The following CLEC4F variants were observed in gnomAD, a reference collection of about 807,000 sequenced individuals.
CLEC4F encodes the protein C-type (calcium dependent, carbohydrate-recognition domain) lectin, superfamily member 13.
In CLEC4F, 45 loss-of-function variants were observed where a neutral mutation model predicts 53.4. That is an observed-to-expected ratio of 0.84 (90% confidence interval 0.66 to 1.08). CLEC4F has a LOEUF of 1.08. Among genes scored for constraint, CLEC4F ranks in the 50% least tolerant of loss-of-function variants. CLEC4F has a pLI of 0.00. For synonymous variants in CLEC4F, 245 were observed against 257.5 expected, an observed-to-expected ratio of 0.95 and a Z score of 0.46; for missense variants, 753 against 698.2, an observed-to-expected ratio of 1.08 and a Z score of -0.88.
chr2:70,821,411 C>T (rs1277826298), upstream of CLEC4F, among the ~76,000 whole-genome samples: 1 of 152,118 alleles, frequency 6.6e-6, no homozygotes, highest in South Asian at 2.1e-4. Context: ...CTTTCAGCCA[C>T]CCACTCCCAT....
At chr2:70,815,282 C>T (rs1676833195) in intron 4 of CLEC4F, among the ~76,000 whole-genome samples, 1 of 152,220 alleles carries the variant, frequency 6.6e-6, no homozygotes, top group Non-Finnish European at 1.5e-5. Flanking sequence ...CAAGAGCCAT[C>T]TTCTCACAAA....
chr2:70,815,424 T>A (rs1328752319), intron 4 of CLEC4F, among the ~76,000 whole-genome samples: 2 of 152,192 alleles, frequency 1.3e-5, no homozygotes, highest in Non-Finnish European at 2.9e-5. Flanking sequence ...CCTGTCTGTA[T>A]GTCTTTCATG....
At chr2:70,809,703 G>A (rs1676440171) in intron 6 of CLEC4F, 36 bp downstream of exon 6, 1 of 1,510,188 alleles carries the variant, frequency 6.6e-7, no homozygotes. Context: ...ACCAAAGACA[G>A]TGCCTGGGAC....
At position 70,819,761 on chromosome 2, in the gene CLEC4F, A is replaced by G. The variant is rs782640505; in HGVS notation, c.178+14T>C. The stretch of plus-strand genomic sequence containing the variant: ...AGAGAAAGTTAGTGAGATTTGGGTC[A>G]CCTGGGGGCTTACCCACTACAAAGA... On this transcript the variant is annotated intron_variant, in intron 2 of 6. Transcript: ENST00000272367. 1 of 1,546,990 alleles carries G rather than the reference A, an allele frequency of 6.5e-7. No individual in the cohort carries two copies. Among genetic ancestry groups the G allele is most frequent in the African/African-American group, 1.4e-5 (1 of 72,838 alleles).
rs144178729 is a variant in CLEC4F at position 70,816,124 on chromosome 2, G to A, written c.1257C>T (p.Ala419=). 273 of 1,613,998 alleles carry A rather than the reference G, an allele frequency of 1.7e-4. 1 individual carries two copies. Among genetic ancestry groups the A allele is most frequent in the Middle Eastern group, 8.2e-4 (5 of 6,084 alleles). ...GATCCCCTCTTAACCTCTGGATCTC[G>A]GCACTGGCCTTCTGCAGATTGCTGT... is the stretch of plus-strand genomic sequence containing the variant. The part of the protein sequence containing the change: ...MLDSNLQKAS[A]EIQRLRGDLE... The change falls in exon 4 of 7, where the codon GCC becomes GCT. Residue 419 remains alanine (A), a synonymous_variant. Coordinates refer to ENST00000272367, the MANE Select transcript of CLEC4F (RefSeq NM_173535.3).
In CLEC4F at chr2:70,820,494, T is replaced by A; in HGVS notation, c.30A>T (p.Thr10=). The A allele has an allele frequency of 6.3e-7, 1 of 1,591,232 alleles. No homozygotes were observed. Among genetic ancestry groups the A allele is most frequent in the Non-Finnish European group, 8.6e-7 (1 of 1,166,946 alleles). Residue 10 remains threonine, a synonymous_variant, in exon 1 of 7, where the codon ACA becomes ACT. Coordinates refer to ENST00000272367, the MANE Select transcript of CLEC4F (RefSeq NM_173535.3). MDGEAVRFC[T]DNQCVSLHPQ... The stretch of plus-strand genomic sequence containing the variant: ...GGTGCAGGGAGACACACTGGTTATC[T>A]GTGCAGAAGCGGACTGCCTCACCGT...
At chr2:70,822,338 G>A (rs1203244109), upstream of CLEC4F, among the ~76,000 whole-genome samples, 1 of 152,176 alleles carries the variant, frequency 6.6e-6, no homozygotes, top group African/African-American at 2.4e-5. Flanking sequence ...TGCCTCCTGA[G>A]GTGACCAGGT....
At chr2:70,823,050 G>A (rs1677267268), upstream of CLEC4F, among the ~76,000 whole-genome samples, 1 of 152,222 alleles carries the variant, frequency 6.6e-6, no homozygotes, top group South Asian at 2.1e-4. Context: ...GTCGCCCCGT[G>A]GGTAGGGGAT....
chr2:70,815,902 T>C lies in CLEC4F; in HGVS notation c.1387+92A>G, dbSNP rs192221484. ...CCCTGGATTTGGTCAAGGAGATGCA[T>C]GTTGCAGTAAAAAAGAGGCTGATGA... On this transcript the variant is annotated intron_variant, in intron 4 of 6. Coordinates refer to ENST00000272367, the MANE Select transcript of CLEC4F (RefSeq NM_173535.3). 112 of 1,330,154 alleles carry C rather than the reference T, an allele frequency of 8.4e-5. 1 individual carries two copies. The Admixed American group carries it at 2.1e-3, about 25-fold the overall frequency. The allele number at this position is 1,330,154 out of a possible 1,614,324, so 82.4% of individuals were successfully genotyped here.
At chr2:70,811,063 C>A in intron 5 of CLEC4F, 1 of 664,908 alleles carries the variant, frequency 1.5e-6, no homozygotes. Flanking sequence ...ATATTTATTG[C>A]CATTCAGAAG....
chr2:70,813,615 CTTTCTTTCTTTCTTTCTTTCTT>C (rs1553394992), intron 4 of CLEC4F, among the ~76,000 whole-genome samples: 3 of 106,012 alleles, frequency 2.8e-5, no homozygotes, highest in African/African-American at 1.4e-4. Context: ...TTCTTTCTTT[CTTTCTTTCTTTCTTTCTTTCTT>C]TCTTTCGCTC....
intron 5 of CLEC4F, among the ~76,000 whole-genome samples, 158 bp downstream of exon 5, chr2:70,812,289 G>A (rs925393634): frequency 1.3e-5 from 2 of 152,162 alleles, no homozygotes; most frequent in Admixed American, 1.3e-4. Flanking sequence ...TACCTCCAGT[G>A]CATATGCTCA....
At chr2:70,818,572 G>A (rs868981637) in intron 3 of CLEC4F, among the ~76,000 whole-genome samples, 37 of 151,968 alleles carry the variant, frequency 2.4e-4, no homozygotes, top group African/African-American at 8.7e-4. Context: ...TTAGCCAGGC[G>A]TGGTGGCGGG....
upstream of CLEC4F, among the ~76,000 whole-genome samples, chr2:70,822,463 G>A (rs1440860298): frequency 6.6e-6 from 1 of 152,100 alleles, no homozygotes; most frequent in Non-Finnish European, 1.5e-5. Flanking sequence ...TCCTGCTGCT[G>A]GGTGGGCCTA....
chr2:70,812,136 T>C (rs116382314), intron 5 of CLEC4F, among the ~76,000 whole-genome samples: 2,897 of 152,094 alleles, frequency 0.019, 40 homozygotes, highest in South Asian at 0.032. Context: ...GAAAAACAAA[T>C]GCAAGAGAAG....
At position 70,816,327 on chromosome 2, in the gene CLEC4F, G is replaced by C; in HGVS notation, c.1054C>G (p.Leu352Val). Residue 352 changes from leucine to valine, a missense_variant, in exon 4 of 7, where the codon CTG (leucine) becomes GTG (valine). Physicochemically the swap from Leu to Val is conservative, Grantham distance 32. Transcript: ENST00000272367. ...TGAATCTGAGTATCTGTCTGGTCCAGACGGCCATTTGCTTTTTGGGTCTGG... is the reference window on the plus strand; with the variant it reads ...TGAATCTGAGTATCTGTCTGGTCCACACGGCCATTTGCTTTTTGGGTCTGG... ...TAQTQKANGR[L>V]DQTDTQIQVF... 6.2e-7 allele frequency: 1 copy of C among 1,614,216 alleles called. No homozygotes were observed. The highest frequency in any genetic ancestry group is 8.5e-7 in the Non-Finnish European group (1 of 1,180,042).
intron 4 of CLEC4F, among the ~76,000 whole-genome samples, chr2:70,813,242 T>C (rs551203498): frequency 5.4e-4 from 83 of 152,366 alleles, no homozygotes; most frequent in African/African-American, 1.8e-3. Context: ...GCAACGTTCC[T>C]TAACTTCTTC....
chr2:70,819,709 G>T, intron 2 of CLEC4F, 66 bp downstream of exon 2: 1 of 1,205,324 alleles, frequency 8.3e-7, no homozygotes, highest in East Asian at 2.3e-5. Context: ...GTGCATCTGG[G>T]GCCCCTGGGG....
intron 3 of CLEC4F, 81 bp downstream of exon 3, chr2:70,819,274 C>A (rs1436599922): frequency 1.9e-6 from 2 of 1,074,376 alleles, no homozygotes; most frequent in Admixed American, 3.5e-5. Context: ...CAGAGGGTAC[C>A]AGGAGAGAAG....
Sources: gnomAD v4.1 joint callset for allele counts (sites outside exome capture counted in the v4.1 genomes callset) on GRCh38, gnomAD v4.1.1 for gene constraint, MANE v1.5 for transcripts, NCBI Gene and HGNC (gene_info 2026-07-23, HGNC 2026-07-21) for gene names.